The following NDST3 variants were observed in gnomAD, a reference collection of about 807,000 sequenced individuals.
NDST3 encodes N-deacetylase and N-sulfotransferase 3.
Under a neutral mutation model 96.1 loss-of-function variants are expected in NDST3, and 58 were observed. The ratio of observed to expected loss-of-function variants is 0.60; its 90% CI spans 0.49 to 0.75. The LOEUF is 0.75. Ranked by LOEUF, NDST3 falls within the 30% of genes least tolerant of loss-of-function variation. NDST3 has a pLI of 0.00. For missense variants in NDST3, 788 were observed against 1,034.2 expected (o/e 0.76, Z 3.27); for synonymous variants, 333 against 359.7 (o/e 0.93, Z 0.84).
chr4:118,110,371 T>G (rs377097692), intron 3 of NDST3, among the ~76,000 whole-genome samples: 1 of 152,226 alleles, frequency 6.6e-6, no homozygotes, highest in Non-Finnish European at 1.5e-5. Flanking sequence ...GAACTCAGAA[T>G]TTCAATTCAG....
At chr4:118,251,036 G>T (rs187976767) in intron 12 of NDST3, among the ~76,000 whole-genome samples, 3 of 147,498 alleles carry the variant, frequency 2.0e-5, no homozygotes, top group African/African-American at 7.4e-5. Context: ...AAATTTTCTG[G>T]TTTTTTTCCC....
intron 11 of NDST3, among the ~76,000 whole-genome samples, chr4:118,241,077 A>G (rs1293782394): frequency 1.3e-5 from 2 of 152,128 alleles, no homozygotes; most frequent in Non-Finnish European, 2.9e-5. Context: ...GATAAGTCCT[A>G]TGTTTTTCTC....
chr4:118,044,087 T>G (rs1724618065), intron 1 of NDST3, among the ~76,000 whole-genome samples: 1 of 152,186 alleles, frequency 6.6e-6, no homozygotes. Flanking sequence ...AGATAAGAAT[T>G]GTATAAGTTA....
intron 2 of NDST3, among the ~76,000 whole-genome samples, chr4:118,095,627 A>G (rs768736401): frequency 5.3e-5 from 8 of 151,824 alleles, no homozygotes; most frequent in Non-Finnish European, 2.9e-5. Flanking sequence ...TAAACAATTC[A>G]GTAGCATTCA....
At chr4:118,144,216 T>G (rs1008236599) in intron 6 of NDST3, among the ~76,000 whole-genome samples, 2 of 151,976 alleles carry the variant, frequency 1.3e-5, no homozygotes, top group African/African-American at 4.8e-5. Flanking sequence ...AGTCTCACTC[T>G]GTCACCCAGG....
intron 2 of NDST3, among the ~76,000 whole-genome samples, chr4:118,089,294 G>A (rs1728678720): frequency 6.6e-6 from 1 of 151,782 alleles, no homozygotes; most frequent in Non-Finnish European, 1.5e-5. Flanking sequence ...GGTTTATATA[G>A]TTACCTAGAC....
At chr4:118,154,782 C>T (rs978419110) in intron 6 of NDST3, among the ~76,000 whole-genome samples, 4 of 152,176 alleles carry the variant, frequency 2.6e-5, no homozygotes, top group African/African-American at 9.7e-5. Flanking sequence ...CAGTTCACCA[C>T]TTCACCCGCT....
intron 2 of NDST3, among the ~76,000 whole-genome samples, chr4:118,061,688 T>C (rs1725906915): frequency 6.6e-6 from 1 of 152,152 alleles, no homozygotes; most frequent in African/African-American, 2.4e-5. Flanking sequence ...ATCTATTTTG[T>C]TCACGGATGT....
Position 118,225,994 on chromosome 4 carries a change from G to GT in NDST3, c.1723-882dup, listed in dbSNP as rs35573813. Among the ~76,000 whole-genome samples, 770 of 142,888 alleles carry GT rather than the reference G, an allele frequency of 5.4e-3. 3 individuals carry two copies. The highest frequency in any genetic ancestry group is 0.022 in the Middle Eastern group (6 of 276). The allele number at this position is 142,888 out of a possible 152,430, so 93.7% of individuals were successfully genotyped here. ...GTGACAAGTTTTAAACTGTTTTTTT[G>GT]TTTTTTTTTTCAGAAGAACAGCCAA... On this transcript the variant is annotated intron_variant, in intron 7 of 13. Coordinates refer to ENST00000296499, the MANE Select transcript of NDST3 (RefSeq NM_004784.3).
chr4:118,207,409 T>A (rs1738507078), intron 6 of NDST3, among the ~76,000 whole-genome samples: 1 of 144,480 alleles, frequency 6.9e-6, no homozygotes, highest in African/African-American at 2.6e-5. Flanking sequence ...AGCAGATGAG[T>A]GTAGATTTGC....
At chr4:118,215,455 C>T (rs1408129714) in intron 6 of NDST3, among the ~76,000 whole-genome samples, 1 of 151,998 alleles carries the variant, frequency 6.6e-6, no homozygotes, top group African/African-American at 2.4e-5. Context: ...GGACAAAACC[C>T]AAGTCACAAA....
intron 2 of NDST3, among the ~76,000 whole-genome samples, chr4:118,068,166 C>CTTTTTTT (rs34891564): frequency 4.7e-5 from 4 of 84,308 alleles, no homozygotes; most frequent in African/African-American, 4.5e-5. Flanking sequence ...TACTTGATCT[C>CTTTTTTT]TTTTTTTTTT....
intron 2 of NDST3, among the ~76,000 whole-genome samples, chr4:118,092,303 G>A (rs1728947397): frequency 6.6e-6 from 1 of 151,434 alleles, no homozygotes. Context: ...TGTCCTTAGA[G>A]CTAGGATTCA....
intron 6 of NDST3, among the ~76,000 whole-genome samples, chr4:118,178,604 C>T (rs146857516): frequency 6.4e-4 from 98 of 152,078 alleles, no homozygotes; most frequent in Non-Finnish European, 1.0e-3. Context: ...TAAATTGCTT[C>T]CACCTTGTGG....
At chr4:118,051,132 A>G (rs1467465760) in intron 1 of NDST3, among the ~76,000 whole-genome samples, 1 of 152,170 alleles carries the variant, frequency 6.6e-6, no homozygotes, top group Non-Finnish European at 1.5e-5. Context: ...AGCACTCCCT[A>G]TTCAGTAAAT....
chr4:118,076,851 T>C (rs761609036), intron 2 of NDST3, among the ~76,000 whole-genome samples: 12 of 152,212 alleles, frequency 7.9e-5, no homozygotes, highest in East Asian at 3.9e-4. Flanking sequence ...TTCAGTCGTT[T>C]TGAGGTAAGA....
At chr4:118,149,579 T>C (rs1018385219) in intron 6 of NDST3, among the ~76,000 whole-genome samples, 1 of 149,658 alleles carries the variant, frequency 6.7e-6, no homozygotes, top group African/African-American at 2.4e-5. Context: ...TGTATAAGAA[T>C]GCTTGTGATT....
chr4:118,131,872 A>G (rs572116680), intron 4 of NDST3, among the ~76,000 whole-genome samples: 2 of 152,084 alleles, frequency 1.3e-5, no homozygotes, highest in Admixed American at 1.3e-4. Context: ...ATAGGCAGAG[A>G]TTCTTGTTCA....
At chr4:118,103,653 C>T (rs570776791) in intron 2 of NDST3, among the ~76,000 whole-genome samples, 19 of 152,248 alleles carry the variant, frequency 1.2e-4, no homozygotes, top group East Asian at 1.2e-3. Context: ...CCATCCAAAC[C>T]GTGCCCCACC....
Sources: allele counts gnomAD v4.1 joint callset (sites outside exome capture counted in the v4.1 genomes callset), GRCh38; gene constraint gnomAD v4.1.1; transcripts MANE v1.5; gene names NCBI Gene and HGNC (gene_info 2026-07-23, HGNC 2026-07-21).